IPP: variants seen among roughly 807,000 people sequenced by gnomAD.
IPP encodes the protein intracisternal A particle-promoted polypeptide.
A neutral mutation model predicts 64.1 loss-of-function variants in IPP; 41 were observed. The observed-to-expected ratio is 0.64, with a 90% CI of 0.50 to 0.83. The LOEUF (loss-of-function observed/expected upper bound fraction) is 0.83. Among genes scored for constraint, IPP ranks in the 40% least tolerant of loss-of-function variants. IPP has a pLI of 0.00. For synonymous variants in IPP, 214 were observed against 235.2 expected, an observed-to-expected ratio of 0.91 and a Z score of 0.83; for missense variants, 649 against 703.0, an observed-to-expected ratio of 0.92 and a Z score of 0.87.
intron 4 of IPP, 64 bp from the exon 5 acceptor site, chr1:45,727,862 A>G: frequency 8.9e-7 from 1 of 1,122,050 alleles, no homozygotes; most frequent in Non-Finnish European, 1.2e-6. Flanking sequence ...ATTTAGTATA[A>G]CTACTATATA....
At chr1:45,732,383 CA>C (rs796717636) in intron 3 of IPP, among the ~76,000 whole-genome samples, 8 of 81,012 alleles carry the variant, frequency 9.9e-5, no homozygotes, top group African/African-American at 5.0e-4. Context: ...AAAAAAAACA[CA>C]AAAAACAATG....
chr1:45,739,843 A>G (rs998315237), intron 3 of IPP, among the ~76,000 whole-genome samples: 3 of 129,872 alleles, frequency 2.3e-5, no homozygotes, highest in Admixed American at 7.8e-5. Flanking sequence ...TTTTTTTTTA[A>G]TTGATCATTC....
rs546380167 is a variant in IPP, at chr1:45,714,959, TGTAGTGGTTCACAATCCCA to T, written c.1310-512_1310-494del. Among the ~76,000 whole-genome samples, 1,030 of 152,174 alleles carry T rather than the reference TGTAGTGGTTCACAATCCCA, an allele frequency of 6.8e-3. 5 individuals carry two copies. Among genetic ancestry groups the T allele is most frequent in the Non-Finnish European group, 9.9e-3 (676 of 68,014 alleles). ...TCAATTACTACAGTACACAGCTGGG[TGTAGTGGTTCACAATCCCA>T]GTACTTTGGGAGGACAGGGCAGGCG... is the stretch of plus-strand genomic sequence containing the variant. On this transcript the variant is annotated intron_variant, in intron 7 of 8. Transcript: ENST00000396478.
chr1:45,715,492 T>A (rs911547560), intron 7 of IPP, among the ~76,000 whole-genome samples: 12 of 151,676 alleles, frequency 7.9e-5, no homozygotes, highest in Non-Finnish European at 1.8e-4. Flanking sequence ...ATACAAAAAA[T>A]TTGCCAGGTG....
intron 8 of IPP, among the ~76,000 whole-genome samples, chr1:45,704,407 T>G (rs995105574): frequency 2.0e-5 from 3 of 151,994 alleles, no homozygotes; most frequent in African/African-American, 7.3e-5. Flanking sequence ...CCAGCTAACT[T>G]TTGTAATTTT....
chr1:45,700,332 T>C (rs1235921434), intron 8 of IPP, 142 bp from the exon 9 acceptor site: 1 of 1,268,722 alleles, frequency 7.9e-7, no homozygotes, highest in East Asian at 2.5e-5. Flanking sequence ...AGATTTTTTT[T>C]TCTTTTTTTT....
intron 8 of IPP, among the ~76,000 whole-genome samples, chr1:45,702,809 C>T (rs528730075): frequency 1.3e-5 from 2 of 152,152 alleles, no homozygotes; most frequent in African/African-American, 4.8e-5. Context: ...CATTTCAAAG[C>T]CATATAGAAA....
At position 45,712,013 on chromosome 1, in the gene IPP, G is replaced by A. The variant is rs558901486; in HGVS notation, c.1530+2233C>T. Among the ~76,000 whole-genome samples, 5 of 152,074 alleles carry A rather than the reference G, an allele frequency of 3.3e-5. 1 individual carries two copies. The South Asian group carries it at 1.0e-3, about 32-fold the overall frequency. Reference sequence around the variant, plus strand: ...AGGACAGACAAGGGAAGATCTGAATGACACTAAAAAACCAACTTGAGGCCA... The same window carrying A: ...AGGACAGACAAGGGAAGATCTGAATAACACTAAAAAACCAACTTGAGGCCA... On this transcript the variant is annotated intron_variant, in intron 8 of 8. Coordinates refer to ENST00000396478, the MANE Select transcript of IPP (RefSeq NM_005897.3).
Position 45,700,076 on chromosome 1 carries a change from C to G in IPP, c.1645G>C (p.Ala549Pro). 3 of 1,613,956 alleles carry G rather than the reference C, an allele frequency of 1.9e-6. No individual in the cohort carries two copies. The highest frequency in any genetic ancestry group is 2.5e-6 in the Non-Finnish European group (3 of 1,179,998). Residue 549 changes from alanine to proline, a missense_variant, in exon 9 of 9, where the codon GCT (alanine) becomes CCT (proline). By Grantham distance (27) the Ala-to-Pro change is conservative. Coordinates refer to ENST00000396478, the MANE Select transcript of IPP (RefSeq NM_005897.3). ...GGRSSSHDFL[A>P]PGTLDSVEVY... ...TCAACTGAGTCCAAGGTACCTGGAG[C>G]CAAAAAATCATGGCTGGAAGATCGA...
At chr1:45,711,681 G>A (rs980687125) in intron 8 of IPP, among the ~76,000 whole-genome samples, 16 of 151,600 alleles carry the variant, frequency 1.1e-4, no homozygotes, top group African/African-American at 3.9e-4. Flanking sequence ...TTGAACCCAG[G>A]AGACAGAGGT....
intron 6 of IPP, 140 bp from the exon 7 acceptor site, chr1:45,717,157 T>C (rs1645670528): frequency 1.5e-6 from 1 of 648,498 alleles, no homozygotes; most frequent in Non-Finnish European, 2.4e-6. Context: ...CACGATCCCA[T>C]GAAAAAGTTA....
chr1:45,727,844 A>T (rs749674479), intron 4 of IPP, 46 bp from the exon 5 acceptor site: 3 of 1,368,296 alleles, frequency 2.2e-6, no homozygotes, highest in Non-Finnish European at 3.0e-6. Context: ...ACTGTTCTAC[A>T]TCTAAACATT....
intron 8 of IPP, among the ~76,000 whole-genome samples, chr1:45,712,892 T>C (rs956990468): frequency 2.0e-5 from 3 of 147,646 alleles, no homozygotes; most frequent in East Asian, 3.9e-4. Context: ...TATATATATA[T>C]ACACACCATC....
Position 45,698,912 on chromosome 1 carries a change from G to C in IPP, c.*1054C>G. On this transcript the variant is annotated 3_prime_UTR_variant, in exon 9 of 9. Coordinates refer to ENST00000396478, the MANE Select transcript of IPP (RefSeq NM_005897.3). Reference sequence around the variant, plus strand: ...TTTTATATATTTTTTGGTAGAGACGGAGTCTCATCACGTTGCCCAGGCTAG... The same window carrying C: ...TTTTATATATTTTTTGGTAGAGACGCAGTCTCATCACGTTGCCCAGGCTAG... 1 of 371,516 alleles carries C rather than the reference G, an allele frequency of 2.7e-6. No homozygotes were observed. Among genetic ancestry groups the C allele is most frequent in the Non-Finnish European group, 3.7e-6 (1 of 269,210 alleles). The allele number at this position is 371,516 out of a possible 1,614,324, so 23.0% of individuals were successfully genotyped here. A position where few individuals can be genotyped will look rare whatever the true frequency, so the allele number is the denominator to read the frequency against.
At chr1:45,696,264 A>G (rs879334363), downstream of IPP, among the ~76,000 whole-genome samples, 2 of 152,230 alleles carry the variant, frequency 1.3e-5, no homozygotes, top group Non-Finnish European at 2.9e-5. Flanking sequence ...CAGGATACTT[A>G]GAAGCATATC....
chr1:45,739,507 G>T (rs1169608364), intron 3 of IPP, among the ~76,000 whole-genome samples: 3 of 141,760 alleles, frequency 2.1e-5, no homozygotes, highest in African/African-American at 7.9e-5. Flanking sequence ...TGCCTGCCTT[G>T]GCCTGCTAAA....
chr1:45,721,108 T>C (rs548321994), intron 5 of IPP, among the ~76,000 whole-genome samples: 116 of 152,300 alleles, frequency 7.6e-4, no homozygotes, highest in African/African-American at 2.6e-3. Flanking sequence ...TCTAGAATCC[T>C]GAATATAAAC....
chr1:45,729,874 AATC>A (rs1645882993), intron 3 of IPP, 105 bp from the exon 4 acceptor site: 1 of 672,756 alleles, frequency 1.5e-6, no homozygotes. Flanking sequence ...AGAAATAAAA[AATC>A]ATCATCAAAC....
At chr1:45,703,936 A>G (rs562937664) in intron 8 of IPP, among the ~76,000 whole-genome samples, 116 of 152,326 alleles carry the variant, frequency 7.6e-4, no homozygotes, top group African/African-American at 2.6e-3. Context: ...CCATACTTAC[A>G]TACTAAGAAG....
Sources: allele counts gnomAD v4.1 joint callset (sites outside exome capture counted in the v4.1 genomes callset), GRCh38; gene constraint gnomAD v4.1.1; transcripts MANE v1.5; gene names NCBI Gene and HGNC (gene_info 2026-07-23, HGNC 2026-07-21).